The following ZNF407 variants were observed in gnomAD, a reference collection of about 807,000 sequenced individuals.
ZNF407 encodes zinc finger protein 407.
In ZNF407, 17 loss-of-function variants were observed where a neutral mutation model predicts 131.2. The observed-to-expected ratio is 0.13, with a 90% CI of 0.09 to 0.19. The LOEUF (loss-of-function observed/expected upper bound fraction) is 0.19. Ranked by LOEUF, ZNF407 falls within the 10% of genes least tolerant of loss-of-function variation. The pLI, the probability that ZNF407 is intolerant of heterozygous loss-of-function variation, is 1.00. For missense variants in ZNF407, 2,681 were observed against 2,830.6 expected (o/e 0.95, Z 1.20); for synonymous variants, 1,156 against 1,062.0 (o/e 1.09, Z -1.72).
intron 3 of ZNF407, among the ~76,000 whole-genome samples, chr18:74,654,282 A>G (rs1206727049): frequency 2.0e-5 from 3 of 151,838 alleles, no homozygotes; most frequent in Non-Finnish European, 4.4e-5. Context: ...TAATCTGATT[A>G]AGGCAGTAAA....
rs34246690 is a variant in ZNF407 at position 74,871,866 on chromosome 18, C to CTT, written c.4878-5319_4878-5318dup. The stretch of plus-strand genomic sequence containing the variant: ...ATATTTATTACAGATTTCTTTCTTT[C>CTT]TTTTTTTTTTTTTGAAACAGAGTCT... On this transcript the variant is annotated intron_variant, in intron 4 of 8. Coordinates refer to ENST00000299687, the MANE Select transcript of ZNF407 (RefSeq NM_017757.3). Among the ~76,000 whole-genome samples, 43 of 145,526 alleles carry CTT rather than the reference C, an allele frequency of 3.0e-4. 1 individual carries two copies. The highest frequency in any genetic ancestry group is 6.5e-4 in the South Asian group (3 of 4,612).
At chr18:74,859,773 C>T (rs1159445598) in intron 4 of ZNF407, among the ~76,000 whole-genome samples, 1 of 152,082 alleles carries the variant, frequency 6.6e-6, no homozygotes, top group African/African-American at 2.4e-5. Context: ...GGAGGATAGG[C>T]CCTGTGTCCT....
intron 8 of ZNF407, among the ~76,000 whole-genome samples, chr18:74,972,958 C>T (rs1004066921): frequency 1.2e-4 from 19 of 152,156 alleles, no homozygotes; most frequent in African/African-American, 2.2e-4. Context: ...CCTATTGATA[C>T]GCTAGGTCTT....
At chr18:74,659,697 C>A (rs1030198421) in intron 3 of ZNF407, among the ~76,000 whole-genome samples, 1 of 152,058 alleles carries the variant, frequency 6.6e-6, no homozygotes, top group Admixed American at 6.6e-5. Flanking sequence ...TTTGAGTTAG[C>A]GGCAAAGTAA....
intron 4 of ZNF407, among the ~76,000 whole-genome samples, chr18:74,843,929 A>G (rs146982224): frequency 2.5e-4 from 38 of 152,322 alleles, no homozygotes; most frequent in Non-Finnish European, 4.6e-4. Flanking sequence ...ACTTTATTAA[A>G]TATGCAACTT....
At chr18:74,707,414 AT>A (rs1244061700) in intron 3 of ZNF407, among the ~76,000 whole-genome samples, 2 of 151,950 alleles carry the variant, frequency 1.3e-5, no homozygotes, top group Admixed American at 6.6e-5. Context: ...CAGACTTCAA[AT>A]TTTTTTTGGA....
chr18:74,651,409 A>G (rs17818580), intron 3 of ZNF407, among the ~76,000 whole-genome samples: 8,567 of 152,238 alleles, frequency 0.056, 374 homozygotes, highest in Non-Finnish European at 0.093. Context: ...TAAAAGCTGA[A>G]GAAAAAGAAA....
intron 8 of ZNF407, among the ~76,000 whole-genome samples, chr18:74,969,150 C>CCA (rs1236016525): frequency 6.6e-5 from 10 of 152,160 alleles, no homozygotes; most frequent in Non-Finnish European, 1.3e-4. Context: ...CTGAGATTGA[C>CCA]AAGTTTTCCA....
intron 1 of ZNF407, among the ~76,000 whole-genome samples, chr18:74,611,082 C>T (rs1027840212): frequency 3.3e-5 from 5 of 152,212 alleles, no homozygotes; most frequent in African/African-American, 1.2e-4. Flanking sequence ...AAACAGGAAA[C>T]TTCCTGAGGG....
At chr18:74,644,945 ATT>A (rs1276028299) in intron 3 of ZNF407, among the ~76,000 whole-genome samples, 1 of 150,522 alleles carries the variant, frequency 6.6e-6, no homozygotes, top group Non-Finnish European at 1.5e-5. Context: ...ATCCACTTTT[ATT>A]TTCTGCTTTT....
chr18:74,625,867 A>G (rs1439173652), intron 1 of ZNF407, among the ~76,000 whole-genome samples: 1 of 152,238 alleles, frequency 6.6e-6, no homozygotes, highest in Non-Finnish European at 1.5e-5. Flanking sequence ...TGGCTGGATA[A>G]AATAAATCAT....
At chr18:74,618,574 G>A (rs996830553) in intron 1 of ZNF407, among the ~76,000 whole-genome samples, 1 of 152,078 alleles carries the variant, frequency 6.6e-6, no homozygotes, top group Non-Finnish European at 1.5e-5. Context: ...CCATCTAAGG[G>A]CTGGCTTTTT....
intron 3 of ZNF407, among the ~76,000 whole-genome samples, chr18:74,741,617 TTATAGA>T (rs1239031031): frequency 2.6e-5 from 4 of 152,190 alleles, no homozygotes; most frequent in South Asian, 2.1e-4. Flanking sequence ...GTGTGGTGTA[TTATAGA>T]TATAGAATCT....
chr18:75,014,446 CT>C (rs1377856124), intron 8 of ZNF407, among the ~76,000 whole-genome samples: 1 of 152,000 alleles, frequency 6.6e-6, no homozygotes, highest in Non-Finnish European at 1.5e-5. Flanking sequence ...CCATTTTCCT[CT>C]TTCTTTTTTT....
intron 4 of ZNF407, among the ~76,000 whole-genome samples, chr18:74,839,777 T>C (rs781107282): frequency 8.5e-5 from 13 of 152,132 alleles, no homozygotes; most frequent in South Asian, 2.1e-4. Flanking sequence ...AGAGCACATT[T>C]ATGAAGATTT....
intron 7 of ZNF407, among the ~76,000 whole-genome samples, chr18:74,896,818 C>G (rs1049449442): frequency 1.3e-5 from 2 of 152,130 alleles, no homozygotes; most frequent in African/African-American, 4.8e-5. Context: ...TTCAGGTGTT[C>G]TATAATGAAG....
At chr18:74,805,220 T>C (rs761668178) in intron 4 of ZNF407, among the ~76,000 whole-genome samples, 10 of 152,244 alleles carry the variant, frequency 6.6e-5, no homozygotes, top group Non-Finnish European at 1.0e-4. Flanking sequence ...TCAGAACTTC[T>C]ATAATGAAAA....
rs376317700 is a variant in ZNF407, at chr18:74,795,452, A to G, written c.4877+13950A>G. Among the ~76,000 whole-genome samples the G allele has an allele frequency of 3.9e-4, 59 of 152,360 alleles. No individual in the cohort carries two copies. In the South Asian group the frequency reaches 3.9e-3, roughly 10 times the overall value. ...ATTACTCATCTATTGACATTACAGC[A>G]TTGGAAAAAATCATATTAGAAATAT... On this transcript the variant is annotated intron_variant, in intron 4 of 8. Coordinates refer to ENST00000299687, the MANE Select transcript of ZNF407 (RefSeq NM_017757.3).
At chr18:74,829,672 A>G (rs1970455642) in intron 4 of ZNF407, among the ~76,000 whole-genome samples, 1 of 152,158 alleles carries the variant, frequency 6.6e-6, no homozygotes, top group Non-Finnish European at 1.5e-5. Context: ...TAGAGACAAA[A>G]ACACTCTGGA....
Sources: gnomAD v4.1 joint callset for allele counts (sites outside exome capture counted in the v4.1 genomes callset) on GRCh38, gnomAD v4.1.1 for gene constraint, MANE v1.5 for transcripts, NCBI Gene and HGNC (gene_info 2026-07-23, HGNC 2026-07-21) for gene names.